Variants in EPHB1 observed in about 807,000 individuals in gnomAD.
The protein encoded by EPHB1 is ephrin type-B receptor 1.
A neutral mutation model predicts 94.4 loss-of-function variants in EPHB1; 30 were observed. The ratio of observed to expected loss-of-function variants is 0.32; its 90% CI spans 0.24 to 0.43. EPHB1 has a LOEUF of 0.43. Among genes scored for constraint, EPHB1 ranks in the 20% least tolerant of loss-of-function variants. EPHB1 has a pLI of 1.00. For synonymous variants in EPHB1, 522 were observed against 489.1 expected (o/e 1.07, Z -0.89); for missense variants, 1,055 against 1,308.3 (o/e 0.81, Z 2.99).
intron 15 of EPHB1, among the ~76,000 whole-genome samples, chr3:135,258,008 A>C (rs964341635): frequency 1.3e-5 from 2 of 152,140 alleles, no homozygotes; most frequent in South Asian, 4.1e-4. Flanking sequence ...TTCTTTGACT[A>C]GGAAAGGGAA....
At chr3:134,978,666 T>C (rs1934287950) in intron 3 of EPHB1, among the ~76,000 whole-genome samples, 4 of 152,234 alleles carry the variant, frequency 2.6e-5, no homozygotes, top group Admixed American at 2.6e-4. Flanking sequence ...AGGCCTTGCT[T>C]CAGTGTCCCC....
intron 1 of EPHB1, among the ~76,000 whole-genome samples, chr3:134,892,883 A>C (rs1302146424): frequency 6.6e-6 from 1 of 151,802 alleles, no homozygotes; most frequent in Admixed American, 6.6e-5. Context: ...TCTTCTCGGC[A>C]GAATTATAAT....
Position 134,893,324 on chromosome 3 carries a change from G to A in EPHB1, c.59-32492G>A, listed in dbSNP as rs548507285. On this transcript the variant is annotated intron_variant, in intron 1 of 15. Transcript: ENST00000398015. ...GAATGAACAAATCTGTTCACGGGTC[G>A]CTCTGCCTGGAACACTTCAGTGGTT... Among the ~76,000 whole-genome samples the A allele has an allele frequency of 5.9e-5, 9 of 152,228 alleles. No individual in the cohort carries two copies. The South Asian group carries it at 1.0e-3, about 18-fold the overall frequency.
At chr3:135,015,066 A>C (rs1478928706) in intron 3 of EPHB1, among the ~76,000 whole-genome samples, 1 of 152,086 alleles carries the variant, frequency 6.6e-6, no homozygotes, top group African/African-American at 2.4e-5. Flanking sequence ...ATGGCACCCC[A>C]GCCTCACAGG....
intron 1 of EPHB1, among the ~76,000 whole-genome samples, chr3:134,897,658 C>T (rs2038114113): frequency 6.6e-6 from 1 of 152,156 alleles, no homozygotes; most frequent in African/African-American, 2.4e-5. Context: ...TGTTGATTGG[C>T]ATGTTGAATG....
At chr3:135,091,156 G>A (rs1002595854) in intron 3 of EPHB1, among the ~76,000 whole-genome samples, 10 of 152,214 alleles carry the variant, frequency 6.6e-5, no homozygotes, top group African/African-American at 2.2e-4. Flanking sequence ...ATCCCAGTTG[G>A]AGAGGAGGCT....
chr3:134,797,607 G>A (rs2035854515), intron 1 of EPHB1, among the ~76,000 whole-genome samples: 1 of 152,200 alleles, frequency 6.6e-6, no homozygotes, highest in East Asian at 1.9e-4. Context: ...AACACAGCAG[G>A]CATGAGGACG....
At chr3:135,007,343 CT>C (rs1307946365) in intron 3 of EPHB1, among the ~76,000 whole-genome samples, 3 of 152,152 alleles carry the variant, frequency 2.0e-5, no homozygotes, top group Non-Finnish European at 2.9e-5. Context: ...TTCTGGTGGT[CT>C]CCAGCCCCTA....
At chr3:135,167,931 A>G (rs1047685678) in intron 9 of EPHB1, among the ~76,000 whole-genome samples, 8 of 152,154 alleles carry the variant, frequency 5.3e-5, no homozygotes, top group African/African-American at 1.9e-4. Flanking sequence ...AGGTACCTAC[A>G]CACCAAACCT....
intron 3 of EPHB1, among the ~76,000 whole-genome samples, chr3:135,091,264 C>T (rs1450594012): frequency 6.6e-6 from 1 of 152,212 alleles, no homozygotes; most frequent in Non-Finnish European, 1.5e-5. Context: ...CAGGCTCATG[C>T]TTATGATGGG....
chr3:135,124,314 C>T (rs765850841), intron 4 of EPHB1, among the ~76,000 whole-genome samples: 2 of 151,748 alleles, frequency 1.3e-5, no homozygotes, highest in African/African-American at 4.9e-5. Context: ...TGTCTCCCCT[C>T]CTCCTTCTCT....
At chr3:134,852,324 C>T (rs898851116) in intron 1 of EPHB1, among the ~76,000 whole-genome samples, 5 of 152,136 alleles carry the variant, frequency 3.3e-5, no homozygotes, top group East Asian at 1.9e-4. Flanking sequence ...CAAATCTGGA[C>T]GGGTTCCGAA....
chr3:135,106,311 A>G, intron 3 of EPHB1, 137 bp from the exon 4 acceptor site: 2 of 931,322 alleles, frequency 2.1e-6, no homozygotes, highest in Admixed American at 5.3e-5. Context: ...GGTTTCCTCA[A>G]CCTTAGATCT....
intron 5 of EPHB1, among the ~76,000 whole-genome samples, chr3:135,136,902 C>T (rs1006752846): frequency 1.3e-5 from 2 of 152,196 alleles, no homozygotes; most frequent in African/African-American, 4.8e-5. Context: ...TCAGGTGCAA[C>T]TCTCTCTGTT....
chr3:135,136,704 G>C (rs780817514), intron 5 of EPHB1, among the ~76,000 whole-genome samples: 1 of 152,252 alleles, frequency 6.6e-6, no homozygotes, highest in South Asian at 2.1e-4. Flanking sequence ...TCACATTATA[G>C]TGGACTGTGT....
At chr3:135,016,963 T>C (rs1935818788) in intron 3 of EPHB1, among the ~76,000 whole-genome samples, 1 of 152,122 alleles carries the variant, frequency 6.6e-6, no homozygotes, top group African/African-American at 2.4e-5. Flanking sequence ...TTCCCTCATC[T>C]CCAGGCATCC....
At chr3:135,088,586 T>C (rs1235541880) in intron 3 of EPHB1, among the ~76,000 whole-genome samples, 2 of 152,194 alleles carry the variant, frequency 1.3e-5, no homozygotes, top group Non-Finnish European at 2.9e-5. Flanking sequence ...AGCACACAGT[T>C]TTCACCTCAT....
intron 14 of EPHB1, 145 bp downstream of exon 14, chr3:135,248,654 C>A: frequency 1.5e-6 from 1 of 688,240 alleles, no homozygotes; most frequent in Non-Finnish European, 2.3e-6. Flanking sequence ...GAGCAACATG[C>A]ATGAAGAAAG....
At chr3:135,115,887 A>G (rs1318191176) in intron 4 of EPHB1, among the ~76,000 whole-genome samples, 5 of 152,214 alleles carry the variant, frequency 3.3e-5, no homozygotes, top group African/African-American at 1.2e-4. Context: ...ATGTTTAAGA[A>G]GTGGGTTTTG....
Sources: allele counts gnomAD v4.1 joint callset (sites outside exome capture counted in the v4.1 genomes callset), GRCh38; gene constraint gnomAD v4.1.1; transcripts MANE v1.5; gene names NCBI Gene and HGNC (gene_info 2026-07-23, HGNC 2026-07-21).